FBXO8: variants seen among roughly 807,000 people sequenced by gnomAD.
The protein encoded by FBXO8 is F-box protein 8.
In FBXO8, 15 loss-of-function variants were observed where a neutral mutation model predicts 33.4. The observed-to-expected ratio is 0.45, with a 90% CI of 0.30 to 0.69. FBXO8 has a LOEUF of 0.69. Ranked by LOEUF, FBXO8 falls within the 30% of genes least tolerant of loss-of-function variation. FBXO8 has a pLI of 0.08. For synonymous variants in FBXO8, 132 were observed against 131.5 expected, an observed-to-expected ratio of 1.00 and a Z score of -0.02; for missense variants, 274 against 380.3, an observed-to-expected ratio of 0.72 and a Z score of 2.32.
At chr4:174,269,567 C>G (rs1736784581) in intron 1 of FBXO8, among the ~76,000 whole-genome samples, 1 of 151,874 alleles carries the variant, frequency 6.6e-6, no homozygotes, top group South Asian at 2.1e-4. Context: ...CGCCCGTAAT[C>G]CCAGCTACTG....
chr4:174,260,710 T>TTA (rs1736538034), intron 2 of FBXO8, among the ~76,000 whole-genome samples: 1 of 151,992 alleles, frequency 6.6e-6, no homozygotes, highest in Non-Finnish European at 1.5e-5. Flanking sequence ...TTTTATCTTA[T>TTA]TATAATGCCT....
Position 174,237,571 on chromosome 4 carries a change from C to T in FBXO8, c.801G>A (p.Leu267=), listed in dbSNP as rs1735915201. The T allele has an allele frequency of 6.2e-7, 1 of 1,612,818 alleles. No individual in the cohort carries two copies. Among genetic ancestry groups the T allele is most frequent in the Non-Finnish European group, 8.5e-7 (1 of 1,179,340 alleles). ...TAGTGAGGTCAATGGAAAGTAGAATCAAAGAGTAGCACAGTACATAGACAG... is the reference window on the plus strand; with the variant it reads ...TAGTGAGGTCAATGGAAAGTAGAATTAAAGAGTAGCACAGTACATAGACAG... ...PDAVYVLCYS[L]ILLSIDLTSP... is the part of the protein sequence containing the mutation. The change falls in exon 6 of 6, where the codon TTG becomes TTA. Residue 267 remains leucine, a synonymous_variant. Transcript: ENST00000393674. The surrounding 1 kb of genome is among the most constrained non-coding windows in gnomAD (Gnocchi z 4.4).
rs1736283915 is a variant in FBXO8, at chr4:174,251,484, G to T, written c.456+8215C>A. Among the ~76,000 whole-genome samples the T allele has an allele frequency of 6.6e-6, 1 of 152,114 alleles. No individual in the cohort carries two copies. Among genetic ancestry groups the T allele is most frequent in the African/African-American group, 2.4e-5 (1 of 41,436 alleles). ...GAAAAGGGAAAAGGAGGGTGGCTGG[G>T]ATAGAGTATGGTTAGGGTAAGGTGT... On this transcript the variant is annotated intron_variant, in intron 3 of 5. Coordinates refer to ENST00000393674, the MANE Select transcript of FBXO8 (RefSeq NM_012180.3). The surrounding 1 kb of genome is among the most constrained non-coding windows in gnomAD (Gnocchi z 4.2).
At chr4:174,273,520 T>C (rs1212823349) in intron 1 of FBXO8, among the ~76,000 whole-genome samples, 1 of 152,134 alleles carries the variant, frequency 6.6e-6, no homozygotes, top group East Asian at 1.9e-4. Flanking sequence ...ATAGTATCAA[T>C]GTTAAATTTC....
Position 174,247,692 on chromosome 4 carries a change from T to C in FBXO8, c.457-6474A>G, listed in dbSNP as rs957746919. On this transcript the variant is annotated intron_variant, in intron 3 of 5. Coordinates refer to ENST00000393674, the MANE Select transcript of FBXO8 (RefSeq NM_012180.3). The surrounding 1 kb of genome is among the most constrained non-coding windows in gnomAD (Gnocchi z 4.6). ...TGAAACTTAAACTGAAATGTAACATTTTCAAACTGAAGATAATGTAAAAAT... is the reference window on the plus strand; with the variant it reads ...TGAAACTTAAACTGAAATGTAACATCTTCAAACTGAAGATAATGTAAAAAT... Among the ~76,000 whole-genome samples, 4 of 152,046 alleles carry C rather than the reference T, an allele frequency of 2.6e-5. No individual in the cohort carries two copies. Among genetic ancestry groups the C allele is most frequent in the African/African-American group, 4.8e-5 (2 of 41,414 alleles).
intron 3 of FBXO8, among the ~76,000 whole-genome samples, chr4:174,250,985 GAGA>G (rs1736272890): frequency 6.6e-6 from 1 of 152,080 alleles, no homozygotes; most frequent in African/African-American, 2.4e-5. Context: ...AGTGTATGAT[GAGA>G]AAATAAAAAG....
rs1000341812 is a variant in FBXO8, at chr4:174,251,657, A to G, written c.456+8042T>C. On this transcript the variant is annotated intron_variant, in intron 3 of 5. Coordinates refer to ENST00000393674, the MANE Select transcript of FBXO8 (RefSeq NM_012180.3). This position sits in a 1 kb window ranked among gnomAD's most constrained non-coding sequence, Gnocchi z 4.2. ...CCATATTACTCTCAAAAAAAAGAAA[A>G]TCACCTCCAGTTTAGCACCATTTGA... is the stretch of plus-strand genomic sequence containing the variant. Among the ~76,000 whole-genome samples the G allele has an allele frequency of 6.6e-6, 1 of 152,126 alleles. No individual in the cohort carries two copies. The highest frequency in any genetic ancestry group is 1.5e-5 in the Non-Finnish European group (1 of 68,000).
In FBXO8 at chr4:174,262,351, A is replaced by G. The variant is rs1290883273; in HGVS notation, c.329+413T>C. ...TTAAAAACAGTAACATTTGAGGACT[A>G]TTCATTGATTTCGAAGTCTGCCTAT... On this transcript the variant is annotated intron_variant, in intron 2 of 5. Coordinates refer to ENST00000393674, the MANE Select transcript of FBXO8 (RefSeq NM_012180.3). This position sits in a 1 kb window ranked among gnomAD's most constrained non-coding sequence, Gnocchi z 4.6. 6.6e-6 allele frequency among the ~76,000 whole-genome samples: 1 copy of G among 152,216 alleles called. No homozygotes were observed. Among genetic ancestry groups the G allele is most frequent in the Non-Finnish European group, 1.5e-5 (1 of 68,024 alleles).
Position 174,278,839 on chromosome 4 carries a change from A to G in FBXO8, c.-9+4571T>C, listed in dbSNP as rs536479301. On this transcript the variant is annotated intron_variant, in intron 1 of 5. Coordinates refer to ENST00000393674, the MANE Select transcript of FBXO8 (RefSeq NM_012180.3). The surrounding 1 kb of genome is among the most constrained non-coding windows in gnomAD (Gnocchi z 4.1). ...ATGAATATTGAAGGCAGCCAGAAAT[A>G]GGAGGAAGGTGAAAAATGAGAAAAC... 6.6e-6 allele frequency among the ~76,000 whole-genome samples: 1 copy of G among 152,262 alleles called. No homozygotes were observed. The highest frequency in any genetic ancestry group is 2.4e-5 in the African/African-American group (1 of 41,582).
rs1370405485 is a variant in FBXO8, at chr4:174,247,519, A to G, written c.457-6301T>C. On this transcript the variant is annotated intron_variant, in intron 3 of 5. Transcript: ENST00000393674. This position sits in a 1 kb window ranked among gnomAD's most constrained non-coding sequence, Gnocchi z 4.6. ...TAAAAAAACATTTTGAAGACTTTAAAAATAGTAATACTTAAACAATATAGC... is the reference window on the plus strand; with the variant it reads ...TAAAAAAACATTTTGAAGACTTTAAGAATAGTAATACTTAAACAATATAGC... Among the ~76,000 whole-genome samples the G allele has an allele frequency of 6.6e-6, 1 of 152,080 alleles. No homozygotes were observed. The highest frequency in any genetic ancestry group is 2.4e-5 in the African/African-American group (1 of 41,434).
Position 174,237,307 on chromosome 4 carries a change from T to C in FBXO8, c.*105A>G, listed in dbSNP as rs534176936. The C allele has an allele frequency of 9.2e-6, 8 of 871,476 alleles. No homozygotes were observed. The highest frequency in any genetic ancestry group is 1.4e-5 in the Non-Finnish European group (8 of 579,656). 54.0% of individuals were successfully genotyped at this position (871,476 alleles called of 1,614,324 possible). On this transcript the variant is annotated 3_prime_UTR_variant, in exon 6 of 6. Transcript: ENST00000393674. The surrounding 1 kb of genome is among the most constrained non-coding windows in gnomAD (Gnocchi z 4.4). ...AAGGTTGCACACTGAAGCTTGATTG[T>C]ATACTCAGGCTACAATGACCAGCAC... is the stretch of plus-strand genomic sequence containing the variant.
In FBXO8 at chr4:174,262,982, G is replaced by C; in HGVS notation, c.111C>G (p.Asn37Lys). The C allele has an allele frequency of 6.2e-7, 1 of 1,614,060 alleles. No individual in the cohort carries two copies. The highest frequency in any genetic ancestry group is 8.5e-7 in the Non-Finnish European group (1 of 1,179,932). The change falls in exon 2 of 6, where the codon AAC becomes AAG. Residue 37 changes from asparagine (N) to lysine (K), a missense_variant. Asn to Lys is a moderately conservative substitution (Grantham distance 94). This residue lies in a region of FBXO8 where 88 missense variants were observed against 86.9 expected (regional missense o/e 1.01). Transcript: ENST00000393674. The surrounding 1 kb of genome is among the most constrained non-coding windows in gnomAD (Gnocchi z 4.6). ...GTTTACGATGATTGGTGTTAGAAATGTTGCTCGCAGCCATTCTCCTGCTCT... is the reference window on the plus strand; with the variant it reads ...GTTTACGATGATTGGTGTTAGAAATCTTGCTCGCAGCCATTCTCCTGCTCT... ...REQSRRMAAS[N>K]ISNTNHRKQV...
chr4:174,273,141 GAT>G (rs984802645), intron 1 of FBXO8, among the ~76,000 whole-genome samples: 42 of 152,072 alleles, frequency 2.8e-4, no homozygotes, highest in African/African-American at 9.6e-4. Context: ...TTAAAAATTA[GAT>G]GAGTGTGGTG....
At chr4:174,279,942 T>C (rs915667191) in intron 1 of FBXO8, among the ~76,000 whole-genome samples, 2 of 151,942 alleles carry the variant, frequency 1.3e-5, no homozygotes, top group Admixed American at 1.3e-4. Flanking sequence ...AGCACTGAAT[T>C]TGGCAATGAT....
intron 1 of FBXO8, among the ~76,000 whole-genome samples, chr4:174,280,009 A>T (rs77795075): frequency 0.013 from 1,916 of 151,574 alleles, 29 homozygotes; most frequent in Middle Eastern, 0.024. Context: ...TATGAAAATT[A>T]AAAAAAAATT....
Position 174,237,302 on chromosome 4 carries a change from G to A in FBXO8, c.*110C>T, listed in dbSNP as rs1309341219. 4.8e-6 allele frequency: 4 copies of A among 824,930 alleles called. No individual in the cohort carries two copies. Among genetic ancestry groups the A allele is most frequent in the East Asian group, 5.1e-5 (2 of 38,968 alleles). The allele number at this position is 824,930 out of a possible 1,614,324, so 51.1% of individuals were successfully genotyped here. On this transcript the variant is annotated 3_prime_UTR_variant, in exon 6 of 6. Coordinates refer to ENST00000393674, the MANE Select transcript of FBXO8 (RefSeq NM_012180.3). This position sits in a 1 kb window ranked among gnomAD's most constrained non-coding sequence, Gnocchi z 4.4. ...AAAAAAAGGTTGCACACTGAAGCTT[G>A]ATTGTATACTCAGGCTACAATGACC... is the stretch of plus-strand genomic sequence containing the variant.
At position 174,267,666 on chromosome 4, in the gene FBXO8, T is replaced by C. The variant is rs914489164; in HGVS notation, c.-8-4566A>G. Among the ~76,000 whole-genome samples, 2 of 152,224 alleles carry C rather than the reference T, an allele frequency of 1.3e-5. No homozygotes were observed. The highest frequency in any genetic ancestry group is 2.9e-5 in the Non-Finnish European group (2 of 68,040). On this transcript the variant is annotated intron_variant, in intron 1 of 5. Transcript: ENST00000393674. This position sits in a 1 kb window ranked among gnomAD's most constrained non-coding sequence, Gnocchi z 4.7. The stretch of plus-strand genomic sequence containing the variant: ...GTCCATGATTTCAAACTCTTGAAAA[T>C]AGTGTTTAGACTGAACCAATTAAAA...
chr4:174,260,208 C>T (rs1373086947), intron 2 of FBXO8, among the ~76,000 whole-genome samples: 3 of 152,050 alleles, frequency 2.0e-5, no homozygotes, highest in South Asian at 2.1e-4. Context: ...AATCCTATGA[C>T]GTTGGTGATA....
intron 3 of FBXO8, among the ~76,000 whole-genome samples, chr4:174,250,700 A>G (rs1736265714): frequency 6.6e-6 from 1 of 152,172 alleles, no homozygotes; most frequent in African/African-American, 2.4e-5. Flanking sequence ...CCCATATTTG[A>G]AAAGCTGAAA....
Sources: gnomAD v4.1 joint callset for allele counts (sites outside exome capture counted in the v4.1 genomes callset) on GRCh38, gnomAD v4.1.1 for gene constraint, gnomAD v4.1.1 regional missense constraint, Gnocchi (gnomAD v3.1) non-coding constraint, MANE v1.5 for transcripts, NCBI Gene and HGNC (gene_info 2026-07-23, HGNC 2026-07-21) for gene names.